Variants in ZNF644 observed in about 807,000 individuals in gnomAD.
The protein encoded by ZNF644 is zinc finger protein 644, also known as zinc finger motif enhancer binding protein 2.
In ZNF644, 20 loss-of-function variants were observed where a neutral mutation model predicts 108.0. The ratio of observed to expected loss-of-function variants is 0.19; its 90% confidence interval spans 0.13 to 0.27. The LOEUF (loss-of-function observed/expected upper bound fraction) is 0.27. Ranked by LOEUF, ZNF644 falls within the 10% of genes least tolerant of loss-of-function variation. ZNF644 has a pLI of 1.00. For synonymous variants in ZNF644, 542 were observed against 539.1 expected, an observed-to-expected ratio of 1.01 and a Z score of -0.08; for missense variants, 1,338 against 1,548.9, an observed-to-expected ratio of 0.86 and a Z score of 2.29.
intron 4 of ZNF644, among the ~76,000 whole-genome samples, chr1:90,926,416 A>T (rs1036035444): frequency 3.3e-5 from 5 of 151,882 alleles, no homozygotes; most frequent in Non-Finnish European, 5.9e-5. Flanking sequence ...TTCCTGTCTC[A>T]CCCTTCCTCC....
At position 90,923,016 on chromosome 1, in the gene ZNF644, C is replaced by G. The variant is rs1264803765; in HGVS notation, c.3689-4862G>C. Among the ~76,000 whole-genome samples, 4 of 152,032 alleles carry G rather than the reference C, an allele frequency of 2.6e-5. No homozygotes were observed. In the East Asian group the frequency reaches 7.7e-4, roughly 29 times the overall value. ...AAACAACAACAACAACAAAAACATGCTAGCTTGTGTAAAACAGGAATGGGG... is the reference window on the plus strand; with the variant it reads ...AAACAACAACAACAACAAAAACATGGTAGCTTGTGTAAAACAGGAATGGGG... On this transcript the variant is annotated intron_variant, in intron 4 of 5. Coordinates refer to ENST00000337393, the MANE Select transcript of ZNF644 (RefSeq NM_201269.3).
intron 2 of ZNF644, among the ~76,000 whole-genome samples, chr1:90,942,630 C>T (rs358693): frequency 1.3e-5 from 2 of 152,116 alleles, no homozygotes; most frequent in East Asian, 3.9e-4. Context: ...CTAAAGTGTA[C>T]AGAAGAAAAA....
chr1:90,922,456 C>T (rs114697898), intron 4 of ZNF644, among the ~76,000 whole-genome samples: 1,984 of 152,152 alleles, frequency 0.013, 14 homozygotes, highest in Non-Finnish European at 0.021. Flanking sequence ...AAACATGACA[C>T]GAACAGGTAA....
chr1:90,937,567 G>C lies in ZNF644; in HGVS notation c.3606C>G (p.Phe1202Leu). 1 of 1,613,806 alleles carries C rather than the reference G, an allele frequency of 6.2e-7. No individual in the cohort carries two copies. Among genetic ancestry groups the C allele is most frequent in the Non-Finnish European group, 8.5e-7 (1 of 1,179,788 alleles). The change falls in exon 4 of 6, where the codon TTC (phenylalanine) becomes TTG (leucine). Residue 1202 changes from phenylalanine (F) to leucine (L), a missense_variant. Around this residue, in one of 6 missense-constraint regions of ZNF644, gnomAD observed 287 missense variants for 310.9 expected, o/e 0.92. Coordinates refer to ENST00000337393, the MANE Select transcript of ZNF644 (RefSeq NM_201269.3). ...KIHNQTARKR[F>L]VQKCVLPLNE... ...TTAATGGAAGAACGCATTTCTGAAC[G>C]AATCTCTTTCTTGCTGTCTGATTAT...
intron 2 of ZNF644, among the ~76,000 whole-genome samples, chr1:90,980,358 C>T (rs1233924201): frequency 6.6e-6 from 1 of 152,152 alleles, no homozygotes; most frequent in Non-Finnish European, 1.5e-5. Context: ...AGGACTAGAA[C>T]TAGGAATATG....
At chr1:90,962,812 G>A (rs1015055789) in intron 2 of ZNF644, among the ~76,000 whole-genome samples, 2 of 152,100 alleles carry the variant, frequency 1.3e-5, no homozygotes, top group Non-Finnish European at 2.9e-5. Flanking sequence ...GAGATGTGTG[G>A]TTAGAGAGGA....
intron 1 of ZNF644, among the ~76,000 whole-genome samples, chr1:90,983,822 G>A (rs1436987471): frequency 6.6e-6 from 1 of 152,232 alleles, no homozygotes; most frequent in African/African-American, 2.4e-5. Context: ...AACTACTCAG[G>A]AGGCTGAGGC....
At chr1:90,962,005 T>C (rs1654382913) in intron 2 of ZNF644, among the ~76,000 whole-genome samples, 1 of 152,028 alleles carries the variant, frequency 6.6e-6, no homozygotes, top group Admixed American at 6.6e-5. Flanking sequence ...TAACCTGACA[T>C]AATCATATAA....
intron 2 of ZNF644, among the ~76,000 whole-genome samples, chr1:90,943,732 C>T (rs1244415913): frequency 6.6e-6 from 1 of 152,166 alleles, no homozygotes; most frequent in Non-Finnish European, 1.5e-5. Flanking sequence ...TAATGCATCA[C>T]CCAGCAGGAG....
At chr1:91,013,404 T>G (rs2100654942) in intron 1 of ZNF644, among the ~76,000 whole-genome samples, 1 of 151,814 alleles carries the variant, frequency 6.6e-6, no homozygotes, top group Non-Finnish European at 1.5e-5. Context: ...TGCTCATGTA[T>G]GAGACACGAA....
intron 2 of ZNF644, among the ~76,000 whole-genome samples, chr1:90,966,235 A>G (rs1444794654): frequency 1.3e-5 from 2 of 152,214 alleles, no homozygotes; most frequent in East Asian, 3.9e-4. Context: ...AGTTACTAGA[A>G]GAGCACTCTT....
At chr1:90,948,692 A>G (rs1652772150) in intron 2 of ZNF644, among the ~76,000 whole-genome samples, 3 of 152,328 alleles carry the variant, frequency 2.0e-5, no homozygotes, top group Middle Eastern at 6.8e-3. Flanking sequence ...TCATCGAAAA[A>G]AATCCACGTT....
chr1:90,972,369 T>A (rs935212510), intron 2 of ZNF644, among the ~76,000 whole-genome samples: 1 of 152,126 alleles, frequency 6.6e-6, no homozygotes, highest in African/African-American at 2.4e-5. Flanking sequence ...CCAATAAGCA[T>A]ATGAAAAGAT....
intron 2 of ZNF644, among the ~76,000 whole-genome samples, chr1:90,980,867 A>G (rs921084212): frequency 3.9e-5 from 6 of 152,188 alleles, no homozygotes; most frequent in African/African-American, 1.4e-4. Context: ...AATGTTCTAT[A>G]TCTTGATCTA....
intron 1 of ZNF644, among the ~76,000 whole-genome samples, chr1:90,997,855 G>A (rs1176541908): frequency 2.0e-5 from 3 of 152,174 alleles, no homozygotes; most frequent in Non-Finnish European, 4.4e-5. Flanking sequence ...CCATAATACT[G>A]CGCTTTTCCA....
At chr1:90,985,616 G>A (rs1455718877) in intron 1 of ZNF644, among the ~76,000 whole-genome samples, 1 of 152,140 alleles carries the variant, frequency 6.6e-6, no homozygotes, top group South Asian at 2.1e-4. Flanking sequence ...GTTCATCCAT[G>A]TTGTTGCAAA....
chr1:90,987,512 G>A (rs571960529), intron 1 of ZNF644, among the ~76,000 whole-genome samples: 4 of 152,042 alleles, frequency 2.6e-5, no homozygotes, highest in African/African-American at 9.6e-5. Context: ...CCTATAACTA[G>A]TAAACAGAGA....
chr1:90,980,431 C>T (rs1452268486), intron 2 of ZNF644, among the ~76,000 whole-genome samples: 1 of 152,154 alleles, frequency 6.6e-6, no homozygotes, highest in Non-Finnish European at 1.5e-5. Flanking sequence ...GGTGAGATAA[C>T]TGCATGCCGT....
At chr1:90,965,915 A>T (rs971987758) in intron 2 of ZNF644, among the ~76,000 whole-genome samples, 2 of 151,940 alleles carry the variant, frequency 1.3e-5, no homozygotes, top group Non-Finnish European at 2.9e-5. Context: ...ACACCCAGCT[A>T]ATTTTTTGTA....
Sources: gnomAD v4.1 joint callset for allele counts (sites outside exome capture counted in the v4.1 genomes callset) on GRCh38, gnomAD v4.1.1 for gene constraint, gnomAD v4.1.1 regional missense constraint, MANE v1.5 for transcripts, NCBI Gene and HGNC (gene_info 2026-07-23, HGNC 2026-07-21) for gene names.